TTN: variants seen among roughly 807,000 people sequenced by gnomAD.
The protein encoded by TTN is titin.
TTN carries 1,525 observed loss-of-function variants against 3,223.0 expected under a neutral mutation model. That is an observed-to-expected ratio of 0.47 (90% CI 0.45 to 0.49). TTN has a LOEUF of 0.49. TTN is among the 20% of genes least tolerant of loss of function. TTN has a pLI of 0.00. For synonymous variants in TTN, 14,094 were observed against 15,161.0 expected, an observed-to-expected ratio of 0.93 and a Z score of 5.17; for missense variants, 40,786 against 43,424.0, an observed-to-expected ratio of 0.94 and a Z score of 5.40.
Position 178,537,932 on chromosome 2 carries a change from A to C in TTN, c.99290-15T>G. On this transcript the variant is annotated splice_polypyrimidine_tract_variant and intron_variant, in intron 354 of 362. Transcript: ENST00000589042. ...GGCCTCTCCAGCTGAACAATATGAAAGATAATATTAAGTGACTGTTAATAC... is the reference window on the plus strand; with the variant it reads ...GGCCTCTCCAGCTGAACAATATGAACGATAATATTAAGTGACTGTTAATAC... The C allele has an allele frequency of 6.3e-7, 1 of 1,576,382 alleles. No individual in the cohort carries two copies. The highest frequency in any genetic ancestry group is 8.6e-7 in the Non-Finnish European group (1 of 1,159,012).
Position 178,776,832 on chromosome 2 carries a change from C to G in TTN, c.5032G>C (p.Glu1678Gln). Residue 1678 changes from glutamate to glutamine, a missense_variant, in exon 28 of 363, where the codon GAG becomes CAG. Coordinates refer to ENST00000589042, the MANE Select transcript of TTN (RefSeq NM_001267550.2). ...RAKEIAAPEL[E>Q]PLHLRYGQEQ... ...TGGCCATATCGCAAATGGAGGGGCTCCAGTTCTGGGGCTGCAATCTCCTTT... is the reference window on the plus strand; with the variant it reads ...TGGCCATATCGCAAATGGAGGGGCTGCAGTTCTGGGGCTGCAATCTCCTTT... 2 of 1,614,118 alleles carry G rather than the reference C, an allele frequency of 1.2e-6. No homozygotes were observed. The highest frequency in any genetic ancestry group is 1.7e-6 in the Non-Finnish European group (2 of 1,180,016).
Position 178,620,364 on chromosome 2 carries a change from A to G in TTN, c.46157T>C (p.Ile15386Thr). The G allele has an allele frequency of 6.2e-7, 1 of 1,610,190 alleles. No individual in the cohort carries two copies. The change falls in exon 248 of 363, where the codon ATC becomes ACC. Residue 15386 changes from isoleucine to threonine, a missense_variant. By Grantham distance (89) the Ile-to-Thr change is moderately conservative. Transcript: ENST00000589042. ...CACAAATTCTGTCGGGGCTTCTATG[A>G]TGAGAAGCTCAGCAACAGATTTATC... ...GQDKSVAELL[I>T]IEAPTEFVEH... is the part of the protein sequence containing the mutation.
Position 178,543,146 on chromosome 2 carries a change from C to G in TTN, c.96827G>C (p.Arg32276Thr). The G allele has an allele frequency of 6.2e-7, 1 of 1,611,456 alleles. No homozygotes were observed. The highest frequency in any genetic ancestry group is 8.5e-7 in the Non-Finnish European group (1 of 1,178,866). The change falls in exon 347 of 363, where the codon AGA becomes ACA. Residue 32276 changes from arginine (R) to threonine (T), a missense_variant. Arg to Thr is a moderately conservative substitution (Grantham distance 71). Transcript: ENST00000589042. Reference sequence around the variant, plus strand: ...ACCTTTCTCATTTTGTGCCCTTATTCTAAATAAGTATTGTTCACCTTCATT... The same window carrying G: ...ACCTTTCTCATTTTGTGCCCTTATTGTAAATAAGTATTGTTCACCTTCATT... ...SLNEGEQYLFRIRAQNEKGVS... is the reference protein window; with the variant it reads ...SLNEGEQYLFTIRAQNEKGVS...
Position 178,635,204 on chromosome 2 carries a change from T to G in TTN, c.41985A>C (p.Gly13995=). The G allele has an allele frequency of 6.2e-7, 1 of 1,613,338 alleles. No homozygotes were observed. Among genetic ancestry groups the G allele is most frequent in the Non-Finnish European group, 8.5e-7 (1 of 1,179,490 alleles). Residue 13995 remains glycine (G), a synonymous_variant, in exon 228 of 363, where the codon GGA becomes GGC. Transcript: ENST00000589042. The part of the protein sequence containing the change: ...DAEISEADIP[G]QWKLKGELLR... ...GAAGTTCTCCTTTCAGTTTCCATTG[T>G]CCAGGAATGTCTGCCTCTGAGATTT...
At chr2:178,651,773 TAGAA>T in intron 205 of TTN, 24 bp from the exon 206 acceptor site, 3 of 1,611,098 alleles carry the variant, frequency 1.9e-6, no homozygotes, top group South Asian at 1.1e-5. Context: ...AGGTATGTTT[TAGAA>T]AGAACGAAGA....
In TTN at chr2:178,609,437, C is replaced by T. The variant is rs766833190; in HGVS notation, c.51873G>A (p.Glu17291=). The T allele has an allele frequency of 8.1e-6, 13 of 1,612,306 alleles. No individual in the cohort carries two copies. In the Admixed American group the frequency reaches 8.3e-5, roughly 10 times the overall value. The change falls in exon 273 of 363, where the codon GAG becomes GAA. Residue 17291 remains glutamate, a synonymous_variant. Coordinates refer to ENST00000589042, the MANE Select transcript of TTN (RefSeq NM_001267550.2). Reference sequence around the variant, plus strand: ...AGGGTGCTGCACGCTTCTTAATTTCCTCTGGTACAATAACATTTTCATCCT... The same window carrying T: ...AGGGTGCTGCACGCTTCTTAATTTCTTCTGGTACAATAACATTTTCATCCT... ...WIKDENVIVP[E]EIKKRAAPLV...
At position 178,580,013 on chromosome 2, in the gene TTN, A is replaced by G; in HGVS notation, c.67274T>C (p.Phe22425Ser). 1.2e-6 allele frequency: 2 copies of G among 1,613,362 alleles called. No individual in the cohort carries two copies. Among genetic ancestry groups the G allele is most frequent in the South Asian group, 2.2e-5 (2 of 91,070 alleles). Residue 22425 changes from phenylalanine (F) to serine (S), a missense_variant, in exon 318 of 363, where the codon TTC becomes TCC. By Grantham distance (155) the Phe-to-Ser change is radical. Transcript: ENST00000589042. ...CTCATTTTCAGCAAACACTCGGAAG[A>G]AGTAGGATTTTCCCTCCTCCAAATT... ...VANLEEGKSY[F>S]FRVFAENEYG...
At position 178,732,481 on chromosome 2, in the gene TTN, A is replaced by G. The variant is rs541467635; in HGVS notation, c.16580T>C (p.Val5527Ala). ...SGTYTCKVSN[V>A]AGGVECSANL... ...TGCACTGCATTCCACCCCTCCAGCG[A>G]CATTGCTGACTTTACATGTGTACGT... The change falls in exon 56 of 363, where the codon GTC becomes GCC. Residue 5527 changes from valine (V) to alanine (A), a missense_variant. By Grantham distance (64) the Val-to-Ala change is moderately conservative (BLOSUM62 0). Transcript: ENST00000589042. 1 of 1,612,908 alleles carries G rather than the reference A, an allele frequency of 6.2e-7. No homozygotes were observed. Among genetic ancestry groups the G allele is most frequent in the African/African-American group, 1.3e-5 (1 of 74,982 alleles).
rs1559556478 is a variant in TTN at position 178,588,064 on chromosome 2, C to T, written c.63343G>A (p.Gly21115Ser). 3 of 1,612,980 alleles carry T rather than the reference C, an allele frequency of 1.9e-6. No homozygotes were observed. In the East Asian group the frequency reaches 6.7e-5, roughly 36 times the overall value. The change falls in exon 305 of 363, where the codon GGC becomes AGC. Residue 21115 changes from glycine to serine, a missense_variant. Coordinates refer to ENST00000589042, the MANE Select transcript of TTN (RefSeq NM_001267550.2). The part of the protein sequence containing the change: ...PKIADASPDE[G>S]WKRCNAAAQL... Reference sequence around the variant, plus strand: ...GCTGCAGCATTACACCGTTTCCAGCCTTCATCAGGAGACGCATCTGCTATT... The same window carrying T: ...GCTGCAGCATTACACCGTTTCCAGCTTTCATCAGGAGACGCATCTGCTATT...
chr2:178,689,024 T>G, intron 125 of TTN, 29 bp downstream of exon 125: 1 of 1,535,016 alleles, frequency 6.5e-7, no homozygotes, highest in Non-Finnish European at 8.9e-7. Flanking sequence ...TTTTTTTTTT[T>G]TTTGTCAGAG....
rs138199558 is a variant in TTN, at chr2:178,713,429, A to G, written c.26762-57T>C. 152 of 1,457,814 alleles carry G rather than the reference A, an allele frequency of 1.0e-4. 1 individual carries two copies. In the East Asian group the frequency reaches 3.4e-3, roughly 33 times the overall value. The allele number at this position is 1,457,814 out of a possible 1,614,324, so 90.3% of individuals were successfully genotyped here. A position where few individuals can be genotyped will look rare whatever the true frequency, so the allele number is the denominator to read the frequency against. On this transcript the variant is annotated intron_variant, in intron 92 of 362. Coordinates refer to ENST00000589042, the MANE Select transcript of TTN (RefSeq NM_001267550.2). ...AAAACAAAAAAAACAAAGGACAACA[A>G]TTATAAAATGACTTGAAGAGAGAAC...
Position 178,599,596 on chromosome 2 carries a change from T to C in TTN, c.56305A>G (p.Asn18769Asp). Residue 18769 changes from asparagine to aspartate, a missense_variant, in exon 289 of 363, where the codon AAT becomes GAT. Transcript: ENST00000589042. ...ATCTCCTTTGATGCTGTTCCCAGATTATTTACAGCTGTGATGGTATATAAG... is the reference window on the plus strand; with the variant it reads ...ATCTCCTTTGATGCTGTTCCCAGATCATTTACAGCTGTGATGGTATATAAG... ...TGLYTITAVNNLGTASKEMRL... is the reference protein window; with the variant it reads ...TGLYTITAVNDLGTASKEMRL... The C allele has an allele frequency of 6.3e-7, 1 of 1,598,818 alleles. No individual in the cohort carries two copies. Among genetic ancestry groups the C allele is most frequent in the Non-Finnish European group, 8.5e-7 (1 of 1,171,578 alleles).
chr2:178,768,132 G>C lies in TTN; in HGVS notation c.9187C>G (p.His3063Asp), dbSNP rs1325663861. 1 of 1,613,814 alleles carries C rather than the reference G, an allele frequency of 6.2e-7. No homozygotes were observed. Among genetic ancestry groups the C allele is most frequent in the Non-Finnish European group, 8.5e-7 (1 of 1,179,994 alleles). ...TCCAGTACCTTAATGTCCTTAATGTGTTTCCTAAATTCTATATGACGAGCT... is the reference window on the plus strand; with the variant it reads ...TCCAGTACCTTAATGTCCTTAATGTCTTTCCTAAATTCTATATGACGAGCT... ...VEARHIEFRK[H>D]IKDIKVLEKK... Residue 3063 changes from histidine to aspartate, a missense_variant, in exon 39 of 363, where the codon CAC (histidine) becomes GAC (aspartate). By Grantham distance (81) the His-to-Asp change is moderately conservative (BLOSUM62 -1). Transcript: ENST00000589042.
rs1245501377 is a variant in TTN, at chr2:178,702,700, A to G, written c.30224-37T>C. ...CAAAGAGGGTTCAAAGTTAGATTAT[A>G]TAGAGAGGAATTTCTTTTACTTGCT... On this transcript the variant is annotated intron_variant, in intron 106 of 362. Transcript: ENST00000589042. The G allele has an allele frequency of 2.6e-6, 4 of 1,548,950 alleles. No homozygotes were observed. In the South Asian group the frequency reaches 3.7e-5, roughly 14 times the overall value.
At position 178,531,206 on chromosome 2, in the gene TTN, A is replaced by G. The variant is rs2154133339; in HGVS notation, c.105409T>C (p.Ser35137Pro). ...GACTCGCCCTCGTAGACGGTCATGG[A>G]CCGTGGCTTTGTTAGAATTCTTGCT... ...LAARILTKPR[S>P]MTVYEGESAR... The change falls in exon 358 of 363, where the codon TCC becomes CCC. Residue 35137 changes from serine (S) to proline (P), a missense_variant. Physicochemically the swap from Ser to Pro is moderately conservative, Grantham distance 74 (BLOSUM62 -1). Transcript: ENST00000589042. 2 of 1,613,906 alleles carry G rather than the reference A, an allele frequency of 1.2e-6. No individual in the cohort carries two copies. Among genetic ancestry groups the G allele is most frequent in the Non-Finnish European group, 8.5e-7 (1 of 1,179,852 alleles).
chr2:178,526,882 C>G lies in TTN; in HGVS notation c.*130G>C, dbSNP rs144026962. The G allele has an allele frequency of 1.0e-3, 817 of 791,996 alleles. 2 individuals carry two copies. The African/African-American group carries it at 0.013, about 12-fold the overall frequency. 49.1% of individuals were successfully genotyped at this position (791,996 alleles called of 1,614,324 possible). A position where few individuals can be genotyped will look rare whatever the true frequency, so the allele number is the denominator to read the frequency against. The stretch of plus-strand genomic sequence containing the variant: ...AAAGATTGAAATGAATATTTTTGAA[C>G]TTTGACTCATTTAGGTTGATACAAA... On this transcript the variant is annotated 3_prime_UTR_variant, in exon 363 of 363. Transcript: ENST00000589042.
intron 326 of TTN, chr2:178,558,928 A>T: frequency 2.4e-6 from 1 of 423,736 alleles, no homozygotes; most frequent in Non-Finnish European, 4.2e-6. Context: ...CAAGATGAAC[A>T]ATCTTTTAAA....
intron 159 of TTN, 41 bp downstream of exon 159, chr2:178,669,332 T>C (rs2066541926): frequency 6.8e-7 from 1 of 1,463,130 alleles, no homozygotes; most frequent in Admixed American, 2.2e-5. Context: ...TTTAAGGACA[T>C]AAATGAAACG....
chr2:178,574,460 A>G lies in TTN; in HGVS notation c.71672T>C (p.Leu23891Pro). The G allele has an allele frequency of 6.2e-7, 1 of 1,613,608 alleles. No individual in the cohort carries two copies. Among genetic ancestry groups the G allele is most frequent in the Non-Finnish European group, 8.5e-7 (1 of 1,179,634 alleles). ...GAACTCATAAGCAATACCATCTGTAAGTCCACTTGATTTGAAAATGTTGCC... is the reference window on the plus strand; with the variant it reads ...GAACTCATAAGCAATACCATCTGTAGGTCCACTTGATTTGAAAATGTTGCC... Reference protein sequence around the residue: ...VPGNIFKSSGLTDGIAYEFRV... With the variant: ...VPGNIFKSSGPTDGIAYEFRV... Residue 23891 changes from leucine to proline, a missense_variant, in exon 326 of 363, where the codon CTT becomes CCT. Transcript: ENST00000589042.
Sources: allele counts gnomAD v4.1 joint callset, GRCh38; gene constraint gnomAD v4.1.1; transcripts MANE v1.5; gene names NCBI Gene and HGNC (gene_info 2026-07-23, HGNC 2026-07-21).